Variants in ALMS1 observed in about 807,000 individuals in gnomAD.
ALMS1 encodes the protein ALMS1 centrosome and basal body associated protein.
In ALMS1, 271 loss-of-function variants were observed where a neutral mutation model predicts 352.2. The ratio of observed to expected loss-of-function variants is 0.77; its 90% confidence interval spans 0.70 to 0.85. The LOEUF (loss-of-function observed/expected upper bound fraction) is 0.85. ALMS1 is among the 40% of genes least tolerant of loss of function. The pLI is 0.00. For synonymous variants in ALMS1, 1,865 were observed against 1,761.2 expected (o/e 1.06, Z -1.48); for missense variants, 5,445 against 4,870.7 (o/e 1.12, Z -3.51).
At chr2:73,417,788 T>C (rs1458107151) in intron 2 of ALMS1, among the ~76,000 whole-genome samples, 1 of 152,244 alleles carries the variant, frequency 6.6e-6, no homozygotes, top group Non-Finnish European at 1.5e-5. Flanking sequence ...GAAAATACTT[T>C]CATATCATGA....
rs1045263074 is a variant in ALMS1 at position 73,450,248 on chromosome 2, C to T, written c.3721C>T (p.His1241Tyr). The change falls in exon 8 of 23, where the codon CAC becomes TAC. Residue 1241 changes from histidine to tyrosine, a missense_variant. Transcript: ENST00000613296. Reference protein sequence around the residue: ...TPTPTSASYSHTEKPGIFYQQ... With the variant: ...TPTPTSASYSYTEKPGIFYQQ... ...AACTCCAACCTCTGCTTCTTACTCACACACAGAGAAGCCTGGTATTTTCTA... is the reference window on the plus strand; with the variant it reads ...AACTCCAACCTCTGCTTCTTACTCATACACAGAGAAGCCTGGTATTTTCTA... The T allele has an allele frequency of 5.0e-6, 8 of 1,614,096 alleles. No individual in the cohort carries two copies. Among genetic ancestry groups the T allele is most frequent in the Non-Finnish European group, 6.8e-6 (8 of 1,179,964 alleles).
intron 2 of ALMS1, among the ~76,000 whole-genome samples, chr2:73,411,112 T>G (rs968335784): frequency 5.3e-5 from 8 of 152,052 alleles, no homozygotes; most frequent in African/African-American, 1.9e-4. Context: ...ATTGCAGGTG[T>G]AATTATTTAA....
At chr2:73,487,536 C>G (rs1672877829) in intron 9 of ALMS1, among the ~76,000 whole-genome samples, 1 of 152,120 alleles carries the variant, frequency 6.6e-6, no homozygotes, top group South Asian at 2.1e-4. Flanking sequence ...CCCCCTAGGT[C>G]TGGGCTTCCC....
At chr2:73,439,654 C>CCTCA (rs1671677088) in intron 7 of ALMS1, among the ~76,000 whole-genome samples, 1 of 152,060 alleles carries the variant, frequency 6.6e-6, no homozygotes, top group South Asian at 2.1e-4. Context: ...GATTCTCCTG[C>CCTCA]CTCAGCCTCC....
chr2:73,521,580 C>CAAAAAAAAAAAAA (rs565126393), intron 11 of ALMS1, among the ~76,000 whole-genome samples: 3 of 94,902 alleles, frequency 3.2e-5, no homozygotes, highest in Non-Finnish European at 4.6e-5. Flanking sequence ...ACTAAAAATA[C>CAAAAAAAAAAAAA]AAAAAAAAAA....
chr2:73,537,932 C>T (rs896817958), intron 12 of ALMS1, among the ~76,000 whole-genome samples: 10 of 152,056 alleles, frequency 6.6e-5, no homozygotes, highest in African/African-American at 2.4e-5. Context: ...CTTGAACCCT[C>T]GAGTTTAAGG....
chr2:73,534,793 A>C (rs753928927), intron 11 of ALMS1, 31 bp from the exon 12 acceptor site: 1 of 1,608,040 alleles, frequency 6.2e-7, no homozygotes, highest in Non-Finnish European at 8.5e-7. Context: ...AATGTTTTTC[A>C]TATTAATTGT....
intron 11 of ALMS1, among the ~76,000 whole-genome samples, chr2:73,522,922 C>G (rs1454433960): frequency 6.6e-6 from 1 of 152,204 alleles, no homozygotes; most frequent in Non-Finnish European, 1.5e-5. Flanking sequence ...TAGATTTAGT[C>G]AGCACTCTGT....
rs769480882 is a variant in ALMS1 at position 73,453,162 on chromosome 2, C to T, written c.6635C>T (p.Ser2212Phe). 7 of 1,614,044 alleles carry T rather than the reference C, an allele frequency of 4.3e-6. No homozygotes were observed. In the South Asian group the frequency reaches 6.6e-5, roughly 15 times the overall value. Reference protein sequence around the residue: ...VQRLIDNLNSSDSSVSSNNVL... With the variant: ...VQRLIDNLNSFDSSVSSNNVL... The stretch of plus-strand genomic sequence containing the variant: ...AGGCTAATAGATAATTTGAATTCTT[C>T]TGACTCCAGTGTTAGCTCAAATAAT... The change falls in exon 8 of 23, where the codon TCT (serine) becomes TTT (phenylalanine). Residue 2212 changes from serine to phenylalanine, a missense_variant. By Grantham distance (155) the Ser-to-Phe change is radical. Coordinates refer to ENST00000613296, the MANE Select transcript of ALMS1 (RefSeq NM_001378454.1).
In ALMS1 at chr2:73,453,364, TC is replaced by T; in HGVS notation, c.6839del (p.Pro2280LeufsTer63). Reference protein sequence around the residue: ...ENMALKRCNFPAPLARFRDIS... With the variant: ...ENMALKRCNFXAPLARFRDIS... The stretch of plus-strand genomic sequence containing the variant: ...ATATGGCACTGAAACGATGCAATTT[TC>T]CTGCTCCCCTTGCCCGTTTCAGAGA... On this transcript the variant is annotated frameshift_variant, in exon 8 of 23. Transcript: ENST00000613296. LOFTEE classifies it high-confidence loss of function. 6.2e-7 allele frequency: 1 copy of T among 1,613,926 alleles called. No individual in the cohort carries two copies. Among genetic ancestry groups the T allele is most frequent in the South Asian group, 1.1e-5 (1 of 91,062 alleles).
intron 18 of ALMS1, 115 bp from the exon 19 acceptor site, chr2:73,601,080 C>T (rs1181587452): frequency 1.3e-6 from 2 of 1,543,006 alleles, no homozygotes; most frequent in African/African-American, 2.7e-5. Context: ...ACCCTGTGGC[C>T]TCTGACAGCT....
At chr2:73,407,960 C>CT (rs1671004284) in intron 1 of ALMS1, among the ~76,000 whole-genome samples, 1 of 150,516 alleles carries the variant, frequency 6.6e-6, no homozygotes. Context: ...TTTTTTTTCT[C>CT]TTTGTGTGCA....
intron 10 of ALMS1, among the ~76,000 whole-genome samples, chr2:73,514,256 CTAT>C (rs1218978694): frequency 1.3e-5 from 2 of 151,906 alleles, no homozygotes; most frequent in Non-Finnish European, 2.9e-5. Flanking sequence ...TTGCTATCCT[CTAT>C]TATTTTAGAT....
rs1468925593 is a variant in ALMS1, at chr2:73,452,638, G to T, written c.6111G>T (p.Lys2037Asn). 6 of 1,613,868 alleles carry T rather than the reference G, an allele frequency of 3.7e-6. No individual in the cohort carries two copies. Among genetic ancestry groups the T allele is most frequent in the Non-Finnish European group, 5.1e-6 (6 of 1,179,978 alleles). Reference sequence around the variant, plus strand: ...CTGTGATTGGACCAAATGACCAGAAGACTCCATCCCAGACAGCTTTTCATA... The same window carrying T: ...CTGTGATTGGACCAAATGACCAGAATACTCCATCCCAGACAGCTTTTCATA... The part of the protein sequence containing the change: ...ISTVIGPNDQ[K>N]TPSQTAFHSS... The change falls in exon 8 of 23, where the codon AAG (lysine) becomes AAT (asparagine). Residue 2037 changes from lysine to asparagine, a missense_variant. Lys to Asn is a moderately conservative substitution (Grantham distance 94, BLOSUM62 0). Coordinates refer to ENST00000613296, the MANE Select transcript of ALMS1 (RefSeq NM_001378454.1).
At chr2:73,412,004 T>G (rs1366100880) in intron 2 of ALMS1, among the ~76,000 whole-genome samples, 1 of 152,176 alleles carries the variant, frequency 6.6e-6, no homozygotes, top group East Asian at 1.9e-4. Context: ...TACAGTGAAA[T>G]TTTCAAGAGT....
chr2:73,508,844 G>A (rs559800492), intron 10 of ALMS1, among the ~76,000 whole-genome samples: 5 of 152,250 alleles, frequency 3.3e-5, no homozygotes, highest in East Asian at 3.9e-4. Flanking sequence ...CACTATTACC[G>A]TGTGGGAGTC....
At position 73,519,696 on chromosome 2, in the gene ALMS1, G is replaced by A. The variant is rs1203715590; in HGVS notation, c.9540-79G>A. The A allele has an allele frequency of 1.9e-6, 3 of 1,593,984 alleles. No homozygotes were observed. The East Asian group carries it at 6.7e-5, about 36-fold the overall frequency. On this transcript the variant is annotated intron_variant, in intron 10 of 22. Transcript: ENST00000613296. ...TCCTATAGCTACTTAAATATTCCTT[G>A]AAACCACTTTTGGAAAGAGATTTCA...
At position 73,450,963 on chromosome 2, in the gene ALMS1, G is replaced by A. The variant is rs756575234; in HGVS notation, c.4436G>A (p.Gly1479Glu). ...PTVTSPSSSF[G>E]EKPIVIYKQA... ...GTAACCTCCCCTTCCAGCTCATTTG[G>A]AGAGAAGCCCATTGTTATCTACAAA... Residue 1479 changes from glycine to glutamate, a missense_variant, in exon 8 of 23, where the codon GGA becomes GAA. Physicochemically the swap from Gly to Glu is moderately conservative, Grantham distance 98 (BLOSUM62 -2). Coordinates refer to ENST00000613296, the MANE Select transcript of ALMS1 (RefSeq NM_001378454.1). 7 of 1,613,686 alleles carry A rather than the reference G, an allele frequency of 4.3e-6. No homozygotes were observed. The highest frequency in any genetic ancestry group is 2.2e-5 in the East Asian group (1 of 44,886).
At chr2:73,590,248 A>G (rs193025310) in intron 16 of ALMS1, among the ~76,000 whole-genome samples, 96 of 152,348 alleles carry the variant, frequency 6.3e-4, no homozygotes, top group Admixed American at 6.1e-3. Context: ...AGATTTATAT[A>G]TATGAGTGAG....
Sources: gnomAD v4.1 joint callset for allele counts (sites outside exome capture counted in the v4.1 genomes callset) on GRCh38, gnomAD v4.1.1 for gene constraint, MANE v1.5 for transcripts, NCBI Gene and HGNC (gene_info 2026-07-23, HGNC 2026-07-21) for gene names.